Variants in SUSD5 observed in about 807,000 individuals in gnomAD.
SUSD5 encodes the protein sushi domain containing 5, also known as sushi domain-containing protein 5.
SUSD5 carries 33 observed loss-of-function variants against 29.5 expected under a neutral mutation model. The observed-to-expected ratio is 1.12, with a 90% CI of 0.85 to 1.49. The LOEUF is 1.49. SUSD5 is among the 40% of genes most tolerant of loss of function. SUSD5 has a pLI of 0.00. For synonymous variants in SUSD5, 308 were observed against 325.3 expected (o/e 0.95, Z 0.57); for missense variants, 776 against 800.6 (o/e 0.97, Z 0.37).
At chr3:33,211,702 G>A (rs1195501173) in intron 2 of SUSD5, among the ~76,000 whole-genome samples, 1 of 152,154 alleles carries the variant, frequency 6.6e-6, no homozygotes, top group Admixed American at 6.5e-5. Flanking sequence ...ATTTCCTGTG[G>A]CATGAAGGAA....
intron 4 of SUSD5, among the ~76,000 whole-genome samples, chr3:33,168,982 T>G (rs2031365128): frequency 6.6e-6 from 1 of 152,114 alleles, no homozygotes; most frequent in Admixed American, 6.5e-5. Context: ...CGGCTCTGCT[T>G]CTTTCTGGTG....
In SUSD5 at chr3:33,153,215, G is replaced by T. The variant is rs759509909; in HGVS notation, c.1417C>A (p.Pro473Thr). The change falls in exon 5 of 5, where the codon CCC (proline) becomes ACC (threonine). Residue 473 changes from proline to threonine, a missense_variant. Pro to Thr is a conservative substitution (Grantham distance 38). Coordinates refer to ENST00000309558, the MANE Select transcript of SUSD5 (RefSeq NM_015551.2). ...GDLTKYQSTL[P>T]WRFITEESPM... is the part of the protein sequence containing the mutation. ...GATTCCTCTGTGATGAATCTCCAGG[G>T]TAGAGTTGACTGGTACTTCGTCAAG... The T allele has an allele frequency of 6.2e-7, 1 of 1,613,812 alleles. No homozygotes were observed. Among genetic ancestry groups the T allele is most frequent in the South Asian group, 1.1e-5 (1 of 91,058 alleles).
chr3:33,168,357 G>A (rs529825494), intron 4 of SUSD5, among the ~76,000 whole-genome samples: 12 of 152,288 alleles, frequency 7.9e-5, no homozygotes, highest in African/African-American at 2.9e-4. Context: ...AACAAATATG[G>A]CAATTTTTGT....
At chr3:33,189,478 C>CAAA (rs71630568) in intron 3 of SUSD5, among the ~76,000 whole-genome samples, 13,181 of 90,812 alleles carry the variant, frequency 0.15, 1,130 homozygotes, top group East Asian at 0.27. Flanking sequence ...CTCTCCTTCT[C>CAAA]AAAAAAAAAA....
intron 4 of SUSD5, among the ~76,000 whole-genome samples, chr3:33,173,400 C>G (rs1467215900): frequency 6.6e-6 from 1 of 152,154 alleles, no homozygotes; most frequent in Non-Finnish European, 1.5e-5. Flanking sequence ...ACATGGGAAC[C>G]AAAGGAGGCT....
intron 3 of SUSD5, among the ~76,000 whole-genome samples, chr3:33,192,563 T>C (rs2031914654): frequency 6.6e-6 from 1 of 151,754 alleles, no homozygotes; most frequent in Admixed American, 6.6e-5. Context: ...ATCCCAGCAC[T>C]TTAGGAGGCC....
intron 3 of SUSD5, among the ~76,000 whole-genome samples, chr3:33,201,609 T>G (rs961392959): frequency 3.3e-5 from 5 of 152,176 alleles, no homozygotes; most frequent in Non-Finnish European, 5.9e-5. Context: ...AAACAAGACC[T>G]GATGCCCACC....
At position 33,218,707 on chromosome 3, in the gene SUSD5, G is replaced by C; in HGVS notation, c.91C>G (p.Arg31Gly). 7.6e-7 allele frequency: 1 copy of C among 1,321,006 alleles called. No homozygotes were observed. Among genetic ancestry groups the C allele is most frequent in the Non-Finnish European group, 9.6e-7 (1 of 1,037,262 alleles). The allele number at this position is 1,321,006 out of a possible 1,614,324, so 81.8% of individuals were successfully genotyped here. A position where few individuals can be genotyped will look rare whatever the true frequency, so the allele number is the denominator to read the frequency against. The change falls in exon 1 of 5, where the codon CGC becomes GGC. Residue 31 changes from arginine (R) to glycine (G), a missense_variant. Arg to Gly is a moderately radical substitution (Grantham distance 125). Transcript: ENST00000309558. The part of the protein sequence containing the change: ...AAALLLLGLP[R>G]LSVRADGKFF... ...TCACCATCCGCCCGCACCGAAAGGC[G>C]CGGCAGACCGAGCAGGAGCAGCGCC... is the stretch of plus-strand genomic sequence containing the variant.
chr3:33,206,412 A>AGTGTGT (rs5847777), intron 3 of SUSD5, among the ~76,000 whole-genome samples: 112 of 148,676 alleles, frequency 7.5e-4, no homozygotes, highest in East Asian at 3.0e-3. Context: ...AATTTACTTG[A>AGTGTGT]GTGTGTGTGT....
At chr3:33,172,180 AACACACACACAC>A (rs10576154) in intron 4 of SUSD5, among the ~76,000 whole-genome samples, 45,307 of 148,462 alleles carry the variant, frequency 0.31, 7,385 homozygotes, top group Middle Eastern at 0.38. Context: ...ACTCTTGTAA[AACACACACACAC>A]ACACACACAC....
intron 4 of SUSD5, among the ~76,000 whole-genome samples, chr3:33,171,997 A>G (rs1279155683): frequency 6.6e-6 from 1 of 152,156 alleles, no homozygotes; most frequent in Non-Finnish European, 1.5e-5. Flanking sequence ...CACAGCACCT[A>G]GGATCCTGCC....
chr3:33,213,548 T>C (rs1389403541), intron 2 of SUSD5, among the ~76,000 whole-genome samples: 7 of 151,980 alleles, frequency 4.6e-5, no homozygotes, highest in Non-Finnish European at 1.0e-4. Context: ...CCGAGGCAGG[T>C]AGATCACCTG....
rs71070124 is a variant in SUSD5, at chr3:33,165,007, C to CAT, written c.598+9878_598+9879insAT. On this transcript the variant is annotated intron_variant, in intron 4 of 4. Transcript: ENST00000309558. ...ACACACACACACACACACACACACA[C>CAT]GTATGATCCAGCAATTCAACTCTAA... is the stretch of plus-strand genomic sequence containing the variant. Among the ~76,000 whole-genome samples the CAT allele has an allele frequency of 2.6e-3, 386 of 146,812 alleles. 2 individuals carry two copies. The highest frequency in any genetic ancestry group is 4.4e-3 in the Non-Finnish European group (296 of 66,706).
At chr3:33,179,621 A>G (rs1380977344) in intron 3 of SUSD5, among the ~76,000 whole-genome samples, 1 of 152,184 alleles carries the variant, frequency 6.6e-6, no homozygotes, top group Non-Finnish European at 1.5e-5. Context: ...AGGTGGGAGA[A>G]GGCTATAATA....
chr3:33,169,677 T>C (rs1260415250), intron 4 of SUSD5, among the ~76,000 whole-genome samples: 1 of 152,192 alleles, frequency 6.6e-6, no homozygotes, highest in Non-Finnish European at 1.5e-5. Flanking sequence ...AACTGGGCAA[T>C]GTGTCTTGTT....
chr3:33,168,575 C>G, intron 4 of SUSD5: 1 of 985,478 alleles, frequency 1.0e-6, no homozygotes, highest in Non-Finnish European at 1.2e-6. Context: ...GCCTCGTTCT[C>G]CTCCCCATCT....
intron 4 of SUSD5, among the ~76,000 whole-genome samples, chr3:33,160,291 A>G (rs1415061968): frequency 6.6e-6 from 1 of 152,076 alleles, no homozygotes; most frequent in Non-Finnish European, 1.5e-5. Flanking sequence ...AGATATATTA[A>G]AAACAAACAA....
At chr3:33,189,472 CCTT>C (rs980888528) in intron 3 of SUSD5, among the ~76,000 whole-genome samples, 3 of 98,106 alleles carry the variant, frequency 3.1e-5, no homozygotes, top group South Asian at 4.3e-4. Flanking sequence ...GCGAGACTCT[CCTT>C]CTCAAAAAAA....
chr3:33,199,023 G>A (rs1002400477), intron 3 of SUSD5, among the ~76,000 whole-genome samples: 9 of 152,048 alleles, frequency 5.9e-5, no homozygotes, highest in Non-Finnish European at 1.3e-4. Context: ...TAAAAGATAG[G>A]CTGAGAAAAG....
Sources: gnomAD v4.1 joint callset for allele counts (sites outside exome capture counted in the v4.1 genomes callset) on GRCh38, gnomAD v4.1.1 for gene constraint, MANE v1.5 for transcripts, NCBI Gene and HGNC (gene_info 2026-07-23, HGNC 2026-07-21) for gene names.